Variants in TEP1 observed in about 807,000 individuals in gnomAD.
TEP1 encodes the protein telomerase associated protein 1.
A neutral mutation model predicts 306.3 loss-of-function variants in TEP1; 241 were observed. That is an observed-to-expected ratio of 0.79 (90% confidence interval 0.71 to 0.88). The LOEUF is 0.88. Ranked by LOEUF, TEP1 falls within the 40% of genes least tolerant of loss-of-function variation. TEP1 has a pLI of 0.00. For missense variants in TEP1, 3,051 were observed against 3,276.1 expected (o/e 0.93, Z 1.68); for synonymous variants, 1,289 against 1,305.5 (o/e 0.99, Z 0.27).
Position 20,380,022 on chromosome 14 carries a change from G to C in TEP1, c.5035C>G (p.Pro1679Ala). The C allele has an allele frequency of 1.2e-6, 2 of 1,613,990 alleles. No individual in the cohort carries two copies. Among genetic ancestry groups the C allele is most frequent in the East Asian group, 2.2e-5 (1 of 44,892 alleles). The change falls in exon 35 of 55, where the codon CCT (proline) becomes GCT (alanine). Residue 1679 changes from proline to alanine, a missense_variant. By Grantham distance (27) the Pro-to-Ala change is conservative (BLOSUM62 -1). Coordinates refer to ENST00000262715, the MANE Select transcript of TEP1 (RefSeq NM_007110.5). ...SSLSLAVSSS[P>A]TAVAFSTNGQ... ...TTGGTGGAGAAGGCCACAGCAGTAG[G>C]GGATGAGGAAACTGCCAGAGACAGG...
chr14:20,413,124 G>A (rs930868896), intron 1 of TEP1, among the ~76,000 whole-genome samples: 11 of 152,104 alleles, frequency 7.2e-5, no homozygotes, highest in Non-Finnish European at 8.8e-5. Flanking sequence ...ATTCTTACGT[G>A]GTCTCTCTTC....
At position 20,396,647 on chromosome 14, in the gene TEP1, G is replaced by A; in HGVS notation, c.1633C>T (p.Leu545Phe). 6.2e-7 allele frequency: 1 copy of A among 1,610,812 alleles called. No individual in the cohort carries two copies. Among genetic ancestry groups the A allele is most frequent in the African/African-American group, 1.3e-5 (1 of 74,968 alleles). ...GCATGCTGGAGTCTCTGGAGAATGA[G>A]CTCATGGTGGCGGGAACTGATTCCA... ...RVGISSRHHE[L>F]ILQRLQHAKS... Residue 545 changes from leucine to phenylalanine, a missense_variant, in exon 10 of 55, where the codon CTC becomes TTC. By Grantham distance (22) the Leu-to-Phe change is conservative. Around this residue, in one of 3 missense-constraint regions of TEP1, gnomAD observed 1,507 missense variants for 1,550.5 expected, o/e 0.97. Transcript: ENST00000262715.
rs1164800637 is a variant in TEP1, at chr14:20,373,680, G to A, written c.6602C>T (p.Ala2201Val). The change falls in exon 45 of 55, where the codon GCA (alanine) becomes GTA (valine). Residue 2201 changes from alanine (A) to valine (V), a missense_variant and splice_region_variant. This residue lies in a region of TEP1 where 1,540 missense variants were observed against 1,705.9 expected (regional missense o/e 0.90). Transcript: ENST00000262715. ...SHCAAAMEPR[A>V]AGQPGSELLV... is the part of the protein sequence containing the mutation. ...GGAGGTGGCTGACGTTTTGTTACCT[G>A]CACGGGGCTCCATGGCAGCTGCACA... The A allele has an allele frequency of 6.2e-7, 1 of 1,614,182 alleles. No homozygotes were observed. The highest frequency in any genetic ancestry group is 1.6e-4 in the Middle Eastern group (1 of 6,062).
rs543764967 is a variant in TEP1, at chr14:20,366,512, A to C, written c.*1925T>G. On this transcript the variant is annotated 3_prime_UTR_variant, in exon 55 of 55. Transcript: ENST00000262715. ...CAGAAGGTATATTTCGAGGCTTGGC[A>C]TGAGGCACATAAGAGAAGACAGAAG... 5.3e-5 allele frequency: 8 copies of C among 152,358 alleles called. No homozygotes were observed. The highest frequency in any genetic ancestry group is 1.3e-4 in the Admixed American group (2 of 15,300). The allele number at this position is 152,358 out of a possible 1,614,324, so 9.4% of individuals were successfully genotyped here. A position where few individuals can be genotyped will look rare whatever the true frequency, so the allele number is the denominator to read the frequency against.
chr14:20,401,625 G>T, intron 7 of TEP1, 44 bp from the exon 8 acceptor site: 2 of 1,606,896 alleles, frequency 1.2e-6, no homozygotes, highest in South Asian at 2.2e-5. Context: ...TTTCATCCAT[G>T]ACCATGGGAA....
rs536244942 is a variant in TEP1, at chr14:20,380,233, A to C, written c.5003+2T>G. On this transcript the variant is annotated splice_donor_variant, in intron 34 of 54. Coordinates refer to ENST00000262715, the MANE Select transcript of TEP1 (RefSeq NM_007110.5). LOFTEE classifies it high-confidence loss of function. ...TACTAGGGTCTGGGGTCAAGGTCTT[A>C]CCTTTGCTGATTTTTCATGGTCCGG... is the stretch of plus-strand genomic sequence containing the variant. 1 of 1,613,354 alleles carries C rather than the reference A, an allele frequency of 6.2e-7. No homozygotes were observed. Among genetic ancestry groups the C allele is most frequent in the African/African-American group, 1.3e-5 (1 of 74,996 alleles).
intron 21 of TEP1, 74 bp downstream of exon 21, chr14:20,384,911 A>G (rs886545726): frequency 5.0e-6 from 8 of 1,603,522 alleles, no homozygotes; most frequent in Middle Eastern, 1.7e-4. Flanking sequence ...CTATACTCTG[A>G]ATACTGAGGA....
intron 37 of TEP1, 25 bp downstream of exon 37, chr14:20,378,729 G>T: frequency 1.2e-6 from 2 of 1,610,718 alleles, no homozygotes; most frequent in South Asian, 1.1e-5. Context: ...GGGCCACTCT[G>T]ACCACTGCAG....
At chr14:20,379,136 G>C (rs1885381016) in intron 35 of TEP1, 31 bp from the exon 36 acceptor site, 1 of 1,610,972 alleles carries the variant, frequency 6.2e-7, no homozygotes, top group African/African-American at 1.3e-5. Context: ...GCGCAGCTCA[G>C]GCCATCCCCT....
In TEP1 at chr14:20,391,066, C is replaced by T. The variant is rs1319118195; in HGVS notation, c.2128G>A (p.Gly710Arg). 8 of 1,614,022 alleles carry T rather than the reference C, an allele frequency of 5.0e-6. No homozygotes were observed. Among genetic ancestry groups the T allele is most frequent in the Non-Finnish European group, 5.9e-6 (7 of 1,180,050 alleles). Residue 710 changes from glycine (G) to arginine (R), a missense_variant, in exon 14 of 55, where the codon GGG becomes AGG. By Grantham distance (125) the Gly-to-Arg change is moderately radical (BLOSUM62 -2). Transcript: ENST00000262715. ...PPLNYALLLI[G>R]MMITRAEQVD... The stretch of plus-strand genomic sequence containing the variant: ...TGCTCCGCCCTCGTGATCATCATCC[C>T]AATCAACAGCAGTGCATAGTTCAGC...
intron 24 of TEP1, 39 bp downstream of exon 24, chr14:20,383,999 C>T: frequency 6.3e-7 from 1 of 1,584,258 alleles, no homozygotes; most frequent in Non-Finnish European, 8.6e-7. Context: ...GCCCACACAG[C>T]CTTCCCTCCC....
At chr14:20,409,715 A>G (rs1234271002) in intron 1 of TEP1, among the ~76,000 whole-genome samples, 2 of 152,028 alleles carry the variant, frequency 1.3e-5, no homozygotes, top group Non-Finnish European at 2.9e-5. Context: ...GGGTTTTCTC[A>G]TTTATAAAAT....
intron 13 of TEP1, 65 bp from the exon 14 acceptor site, chr14:20,391,161 G>GGGCCCAGCCACCA: frequency 6.5e-7 from 1 of 1,541,452 alleles, no homozygotes; most frequent in South Asian, 1.2e-5. Flanking sequence ...TGCCCAGCCA[G>GGGCCCAGCCACCA]CCCTGGAGGC....
intron 12 of TEP1, among the ~76,000 whole-genome samples, chr14:20,393,534 G>C (rs917555521): frequency 1.3e-5 from 2 of 152,172 alleles, no homozygotes; most frequent in Admixed American, 1.3e-4. Context: ...GCTTACGCCT[G>C]TAATCCCAGT....
At position 20,390,765 on chromosome 14, in the gene TEP1, G is replaced by A. The variant is rs185906801; in HGVS notation, c.2257-7C>T. 2 of 1,614,080 alleles carry A rather than the reference G, an allele frequency of 1.2e-6. No homozygotes were observed. The highest frequency in any genetic ancestry group is 2.2e-5 in the East Asian group (1 of 44,894). ...CATCATTTTCATCAAACTCCTGAAG[G>A]AAAGAGACTTCATGTTATGTGGTTG... is the stretch of plus-strand genomic sequence containing the variant. On this transcript the variant is annotated splice_region_variant and splice_polypyrimidine_tract_variant and intron_variant, in intron 14 of 54. Coordinates refer to ENST00000262715, the MANE Select transcript of TEP1 (RefSeq NM_007110.5).
intron 53 of TEP1, 72 bp from the exon 54 acceptor site, chr14:20,368,974 C>A: frequency 9.4e-7 from 1 of 1,068,090 alleles, no homozygotes; most frequent in Non-Finnish European, 1.4e-6. Flanking sequence ...TCACAATGTG[C>A]TGTGTCAGAC....
rs557823389 is a variant in TEP1, at chr14:20,383,083, T to G, written c.4047+91A>C. The G allele has an allele frequency of 4.4e-4, 612 of 1,377,112 alleles. 7 individuals are homozygous for G. The South Asian group carries it at 8.2e-3, about 19-fold the overall frequency. The allele number at this position is 1,377,112 out of a possible 1,614,324, so 85.3% of individuals were successfully genotyped here. On this transcript the variant is annotated intron_variant, in intron 27 of 54. Coordinates refer to ENST00000262715, the MANE Select transcript of TEP1 (RefSeq NM_007110.5). Reference sequence around the variant, plus strand: ...TTCTGAGAAAACAAAGGAGCAGGTCTGTGCAAGGCAGCTAGCGGCCTCGGC... The same window carrying G: ...TTCTGAGAAAACAAAGGAGCAGGTCGGTGCAAGGCAGCTAGCGGCCTCGGC...
rs1002412733 is a variant in TEP1, at chr14:20,366,047, C to T, written c.*2390G>A. ...TTAATGTAAACCTAAATTGATTTTCCCTTCAACTCCTTTTGGGTACATAAT... is the reference window on the plus strand; with the variant it reads ...TTAATGTAAACCTAAATTGATTTTCTCTTCAACTCCTTTTGGGTACATAAT... On this transcript the variant is annotated 3_prime_UTR_variant, in exon 55 of 55. Transcript: ENST00000262715. The T allele has an allele frequency of 2.0e-5, 3 of 152,156 alleles. No homozygotes were observed. The highest frequency in any genetic ancestry group is 4.8e-5 in the African/African-American group (2 of 41,436). 9.4% of individuals were successfully genotyped at this position (152,156 alleles called of 1,614,324 possible).
At chr14:20,377,075 C>T (rs1184980167) in intron 41 of TEP1, among the ~76,000 whole-genome samples, 6 of 151,934 alleles carry the variant, frequency 3.9e-5, no homozygotes, top group Non-Finnish European at 7.4e-5. Context: ...ATTAGCCGGG[C>T]GTGGAGGCGC....
Sources: gnomAD v4.1 joint callset for allele counts (sites outside exome capture counted in the v4.1 genomes callset) on GRCh38, gnomAD v4.1.1 for gene constraint, gnomAD v4.1.1 regional missense constraint, MANE v1.5 for transcripts, NCBI Gene and HGNC (gene_info 2026-07-23, HGNC 2026-07-21) for gene names.